Variants in RNF111 observed in about 807,000 individuals in gnomAD.
The protein encoded by RNF111 is E3 ubiquitin-protein ligase Arkadia.
In RNF111, 17 loss-of-function variants were observed where a neutral mutation model predicts 95.1. That is an observed-to-expected ratio of 0.18 (90% CI 0.12 to 0.27). RNF111 has a LOEUF of 0.27. RNF111 is among the 10% of genes least tolerant of loss of function. The pLI is 1.00. For synonymous variants in RNF111, 440 were observed against 414.8 expected (o/e 1.06, Z -0.74); for missense variants, 1,189 against 1,210.4 (o/e 0.98, Z 0.26).
At chr15:59,089,860 C>A in intron 11 of RNF111, 101 bp downstream of exon 11, 1 of 699,678 alleles carries the variant, frequency 1.4e-6, no homozygotes, top group East Asian at 2.6e-5. Context: ...GCTACAGTGG[C>A]TGGGAATCAC....
intron 1 of RNF111, among the ~76,000 whole-genome samples, chr15:59,023,067 T>A (rs2141672451): frequency 6.6e-6 from 1 of 152,238 alleles, no homozygotes; most frequent in East Asian, 1.9e-4. Flanking sequence ...GCCAACGTGG[T>A]GAAACCCTGT....
rs765246636 is a variant in RNF111, at chr15:58,987,700, G to C, written c.-388G>C. On this transcript the variant is annotated 5_prime_UTR_variant, in exon 1 of 14. Coordinates refer to ENST00000348370, the MANE Select transcript of RNF111 (RefSeq NM_017610.8). Reference sequence around the variant, plus strand: ...TCCTCGGTAGGGGAGGAATTGGTTAGGCGGCGGCGGCGGCGAAGCGGCGGC... The same window carrying C: ...TCCTCGGTAGGGGAGGAATTGGTTACGCGGCGGCGGCGGCGAAGCGGCGGC... 30 of 178,204 alleles carry C rather than the reference G, an allele frequency of 1.7e-4. No individual in the cohort carries two copies. The highest frequency in any genetic ancestry group is 3.2e-4 in the Non-Finnish European group (28 of 87,284). The allele number at this position is 178,204 out of a possible 1,614,324, so 11.0% of individuals were successfully genotyped here.
intron 1 of RNF111, among the ~76,000 whole-genome samples, chr15:59,025,134 C>T (rs192055744): frequency 6.6e-6 from 1 of 152,344 alleles, no homozygotes; most frequent in Non-Finnish European, 1.5e-5. Flanking sequence ...ATCCGCCCTC[C>T]TCCGCCTCCC....
intron 6 of RNF111, among the ~76,000 whole-genome samples, chr15:59,067,643 T>C (rs1353188467): frequency 6.6e-6 from 1 of 152,232 alleles, no homozygotes; most frequent in Non-Finnish European, 1.5e-5. Context: ...TAATCAAAAC[T>C]GATACTTAAT....
At chr15:59,090,552 A>C (rs946385980) in intron 11 of RNF111, among the ~76,000 whole-genome samples, 8 of 152,038 alleles carry the variant, frequency 5.3e-5, no homozygotes, top group Non-Finnish European at 1.2e-4. Flanking sequence ...TTTTTATGTC[A>C]GTTTGGAAGT....
chr15:59,021,183 C>G (rs2040323437), intron 1 of RNF111, among the ~76,000 whole-genome samples: 1 of 152,150 alleles, frequency 6.6e-6, no homozygotes, highest in Non-Finnish European at 1.5e-5. Context: ...TGAAGTCTTG[C>G]TCTGTTGCCC....
intron 6 of RNF111, among the ~76,000 whole-genome samples, chr15:59,075,209 A>G (rs961819345): frequency 6.6e-6 from 1 of 152,234 alleles, no homozygotes; most frequent in Non-Finnish European, 1.5e-5. Flanking sequence ...ACTCTGATAG[A>G]CTTGCTTGAC....
chr15:59,071,507 A>C (rs1184675303), intron 6 of RNF111, among the ~76,000 whole-genome samples: 1 of 151,828 alleles, frequency 6.6e-6, no homozygotes, highest in Non-Finnish European at 1.5e-5. Context: ...ACATGGTGAA[A>C]CCCCGTTTCT....
In RNF111 at chr15:59,096,786, T is replaced by C. The variant is rs1349581850; in HGVS notation, c.*1886T>C. ...CTTCCTTTAAGTAAGTAGCCTGTAA[T>C]GGATGTACTACTTTGCCACTGGAAT... On this transcript the variant is annotated 3_prime_UTR_variant, in exon 14 of 14. Coordinates refer to ENST00000348370, the MANE Select transcript of RNF111 (RefSeq NM_017610.8). 6.6e-6 allele frequency: 1 copy of C among 152,200 alleles called. No individual in the cohort carries two copies. Among genetic ancestry groups the C allele is most frequent in the Non-Finnish European group, 1.5e-5 (1 of 68,046 alleles). 9.4% of individuals were successfully genotyped at this position (152,200 alleles called of 1,614,324 possible).
Position 59,076,082 on chromosome 15 carries a change from G to A in RNF111, c.1815G>A (p.Gln605=). ...SSSRAAIFGH[Q]AAAAAPSQPL... Reference sequence around the variant, plus strand: ...CCCGAGCTGCAATCTTTGGCCATCAGGCCGCTGCTGCTGCCCCAAGTCAAC... The same window carrying A: ...CCCGAGCTGCAATCTTTGGCCATCAAGCCGCTGCTGCTGCCCCAAGTCAAC... The change falls in exon 7 of 14, where the codon CAG becomes CAA. Residue 605 remains glutamine, a synonymous_variant. Coordinates refer to ENST00000348370, the MANE Select transcript of RNF111 (RefSeq NM_017610.8). The A allele has an allele frequency of 6.2e-7, 1 of 1,614,162 alleles. No individual in the cohort carries two copies. Among genetic ancestry groups the A allele is most frequent in the Non-Finnish European group, 8.5e-7 (1 of 1,180,040 alleles).
chr15:59,050,421 GA>G (rs1241943659), intron 2 of RNF111: 1 of 152,136 alleles, frequency 6.6e-6, no homozygotes, highest in African/African-American at 2.4e-5. Context: ...GGTTTCTGGC[GA>G]AAGGCCAGAT....
intron 10 of RNF111, among the ~76,000 whole-genome samples, chr15:59,089,044 A>G (rs1170674450): frequency 6.6e-6 from 1 of 152,134 alleles, no homozygotes; most frequent in Non-Finnish European, 1.5e-5. Flanking sequence ...GCCCTGTTCT[A>G]CCTCAGCTGG....
rs557082265 is a variant in RNF111, at chr15:59,008,949, T to C, written c.-20+20881T>C. Reference sequence around the variant, plus strand: ...TGTCCTTTGTGTTAATATTGTCACGTATTTTATTTTATTTTATTTTATTTT... The same window carrying C: ...TGTCCTTTGTGTTAATATTGTCACGCATTTTATTTTATTTTATTTTATTTT... On this transcript the variant is annotated intron_variant, in intron 1 of 13. Coordinates refer to ENST00000348370, the MANE Select transcript of RNF111 (RefSeq NM_017610.8). 4.1e-5 allele frequency among the ~76,000 whole-genome samples: 6 copies of C among 147,380 alleles called. No individual in the cohort carries two copies. In the East Asian group the frequency reaches 1.2e-3, roughly 28 times the overall value.
chr15:59,036,306 C>T (rs2041175468), intron 2 of RNF111, among the ~76,000 whole-genome samples: 1 of 152,152 alleles, frequency 6.6e-6, no homozygotes, highest in Non-Finnish European at 1.5e-5. Context: ...GATCCGCTGC[C>T]CACCTCAGCC....
intron 2 of RNF111, among the ~76,000 whole-genome samples, chr15:59,033,787 TC>T (rs1232311398): frequency 2.0e-5 from 3 of 152,228 alleles, no homozygotes; most frequent in Non-Finnish European, 4.4e-5. Flanking sequence ...GTGTTTTTTT[TC>T]ATTGCCTTTC....
intron 1 of RNF111, among the ~76,000 whole-genome samples, chr15:58,992,191 C>G (rs1011147422): frequency 6.6e-6 from 1 of 152,088 alleles, no homozygotes; most frequent in Non-Finnish European, 1.5e-5. Context: ...ATTACAGGAG[C>G]GCGCCACCAC....
At chr15:59,024,745 CATT>C (rs1218986511) in intron 1 of RNF111, among the ~76,000 whole-genome samples, 2 of 152,280 alleles carry the variant, frequency 1.3e-5, no homozygotes, top group South Asian at 2.1e-4. Flanking sequence ...AGTACATTGA[CATT>C]GTTGTGCAAC....
intron 1 of RNF111, among the ~76,000 whole-genome samples, chr15:59,008,457 A>G (rs1445230115): frequency 2.0e-5 from 3 of 152,262 alleles, no homozygotes; most frequent in African/African-American, 7.2e-5. Context: ...AGCTCAAGCA[A>G]TCCTCCTGCG....
chr15:59,083,703 A>G (rs921360945), intron 8 of RNF111, among the ~76,000 whole-genome samples: 1 of 152,130 alleles, frequency 6.6e-6, no homozygotes, highest in African/African-American at 2.4e-5. Flanking sequence ...AATGAAGCAA[A>G]ATTAAGGTTT....
Sources: allele counts gnomAD v4.1 joint callset (sites outside exome capture counted in the v4.1 genomes callset), GRCh38; gene constraint gnomAD v4.1.1; transcripts MANE v1.5; gene names NCBI Gene and HGNC (gene_info 2026-07-23, HGNC 2026-07-21).